Variants in CAMK2B observed in about 807,000 individuals in gnomAD.
The protein encoded by CAMK2B is calcium/calmodulin-dependent protein kinase type II subunit beta.
Under a neutral mutation model 93.7 loss-of-function variants are expected in CAMK2B, and 27 were observed. That is an observed-to-expected ratio of 0.29 (90% confidence interval 0.21 to 0.40). The LOEUF (loss-of-function observed/expected upper bound fraction) is 0.40. Among genes scored for constraint, CAMK2B ranks in the 10% least tolerant of loss-of-function variants. The pLI, the probability that CAMK2B is intolerant of heterozygous loss-of-function variation, is 1.00. For missense variants in CAMK2B, 568 were observed against 895.8 expected (o/e 0.63, Z 4.67); for synonymous variants, 374 against 358.8 (o/e 1.04, Z -0.48).
chr7:44,294,596 A>T (rs1458898516), intron 1 of CAMK2B, among the ~76,000 whole-genome samples: 1 of 152,172 alleles, frequency 6.6e-6, no homozygotes, highest in Non-Finnish European at 1.5e-5. Context: ...ATGAGTCAAC[A>T]GGCTACCTCC....
intron 1 of CAMK2B, among the ~76,000 whole-genome samples, chr7:44,300,012 G>GTC (rs1171295366): frequency 4.3e-5 from 5 of 117,584 alleles, no homozygotes; most frequent in African/African-American, 8.9e-5. Context: ...ATGTATATGT[G>GTC]TATGTGTCTG....
At chr7:44,237,455 G>A (rs1299484877) in intron 13 of CAMK2B, among the ~76,000 whole-genome samples, 6 of 152,238 alleles carry the variant, frequency 3.9e-5, no homozygotes, top group Admixed American at 1.3e-4. Context: ...TGCAGCAGAC[G>A]TCCCTGTTGT....
chr7:44,254,978 A>G (rs2096822296), intron 4 of CAMK2B, among the ~76,000 whole-genome samples: 1 of 151,900 alleles, frequency 6.6e-6, no homozygotes, highest in Non-Finnish European at 1.5e-5. Context: ...TGGGCAGCAC[A>G]GGAGCTTTGT....
intron 15 of CAMK2B, 150 bp from the exon 16 acceptor site, chr7:44,233,016 G>A (rs2096594054): frequency 1.4e-6 from 1 of 704,660 alleles, no homozygotes; most frequent in South Asian, 1.7e-5. Context: ...TGGGGGACAG[G>A]GATGGAGGCG....
At chr7:44,249,261 G>A (rs2128993751) in intron 5 of CAMK2B, among the ~76,000 whole-genome samples, 1 of 152,344 alleles carries the variant, frequency 6.6e-6, no homozygotes, top group African/African-American at 2.4e-5. Flanking sequence ...CTGGCTGGCT[G>A]GCTGGGGTGG....
At chr7:44,316,217 A>C (rs1282328386) in intron 1 of CAMK2B, among the ~76,000 whole-genome samples, 1 of 152,082 alleles carries the variant, frequency 6.6e-6, no homozygotes, top group Non-Finnish European at 1.5e-5. Context: ...TCATTTGTTG[A>C]GTTTTTATCA....
chr7:44,244,324 C>T (rs868138996), intron 6 of CAMK2B, among the ~76,000 whole-genome samples: 15 of 152,292 alleles, frequency 9.8e-5, no homozygotes, highest in African/African-American at 3.6e-4. Context: ...GGGCACTTGG[C>T]ACTGAGGGCC....
intron 1 of CAMK2B, among the ~76,000 whole-genome samples, chr7:44,289,569 T>C (rs1314026954): frequency 6.6e-6 from 1 of 152,170 alleles, no homozygotes; most frequent in Non-Finnish European, 1.5e-5. Flanking sequence ...ACGCAGACCT[T>C]GCTCAGGTGC....
intron 17 of CAMK2B, 84 bp from the exon 18 acceptor site, chr7:44,229,585 G>A (rs1583886383): frequency 1.8e-6 from 1 of 552,954 alleles, no homozygotes; most frequent in Non-Finnish European, 3.0e-6. Flanking sequence ...GGGGAGGCCA[G>A]GAGGGAGGGA....
At chr7:44,279,813 T>C (rs2097088096) in intron 2 of CAMK2B, among the ~76,000 whole-genome samples, 1 of 152,238 alleles carries the variant, frequency 6.6e-6, no homozygotes, top group Non-Finnish European at 1.5e-5. Context: ...TTAGAGGAGC[T>C]ATGTAATTCC....
chr7:44,292,453 A>G (rs1401808945), intron 1 of CAMK2B, among the ~76,000 whole-genome samples: 2 of 152,218 alleles, frequency 1.3e-5, no homozygotes, highest in African/African-American at 4.8e-5. Flanking sequence ...CACTGTGTGC[A>G]GCTGCAGCAG....
At chr7:44,289,781 G>A (rs1054785031) in intron 1 of CAMK2B, among the ~76,000 whole-genome samples, 1 of 152,254 alleles carries the variant, frequency 6.6e-6, no homozygotes, top group African/African-American at 2.4e-5. Flanking sequence ...TGATCCCCAT[G>A]ACAGGCTGCT....
chr7:44,227,756 TGGG>T (rs1398495440), intron 19 of CAMK2B, among the ~76,000 whole-genome samples: 1 of 5,488 alleles, frequency 1.8e-4, no homozygotes, highest in Non-Finnish European at 2.9e-4. Context: ...GAGGAGGGTG[TGGG>T]GGACAGAGGG....
intron 1 of CAMK2B, among the ~76,000 whole-genome samples, chr7:44,322,774 G>A (rs1479896105): frequency 6.6e-6 from 1 of 152,244 alleles, no homozygotes; most frequent in African/African-American, 2.4e-5. Context: ...AAAAGGATGG[G>A]GCAAGGGAGG....
At chr7:44,316,707 T>A (rs1171231379) in intron 1 of CAMK2B, among the ~76,000 whole-genome samples, 1 of 152,236 alleles carries the variant, frequency 6.6e-6, no homozygotes. Context: ...ATAGGTCTAT[T>A]CAGATTTTCT....
chr7:44,234,243 G>A (rs2128933131), intron 15 of CAMK2B, 147 bp downstream of exon 15: 1 of 673,300 alleles, frequency 1.5e-6, no homozygotes, highest in East Asian at 2.8e-5. Flanking sequence ...CCACCGGTGA[G>A]GGATGAGGGG....
intron 19 of CAMK2B, 133 bp from the exon 20 acceptor site, chr7:44,226,777 A>T: frequency 1.5e-5 from 1 of 67,936 alleles, no homozygotes. Context: ...ACAAGGGGAC[A>T]GAGGGGAGGA....
intron 1 of CAMK2B, among the ~76,000 whole-genome samples, chr7:44,316,226 C>A (rs767821691): frequency 5.9e-4 from 90 of 152,060 alleles, no homozygotes; most frequent in Non-Finnish European, 1.1e-3. Context: ...GAGTTTTTAT[C>A]ATGAAATGGT....
At position 44,325,356 on chromosome 7, in the gene CAMK2B, C is replaced by T; in HGVS notation, c.65+1G>A. 8.0e-7 allele frequency: 1 copy of T among 1,257,184 alleles called. No homozygotes were observed. Among genetic ancestry groups the T allele is most frequent in the Admixed American group, 2.6e-5 (1 of 38,312 alleles). 77.9% of individuals were successfully genotyped at this position (1,257,184 alleles called of 1,614,324 possible). A position where few individuals can be genotyped will look rare whatever the true frequency, so the allele number is the denominator to read the frequency against. ...CAGCCCGCGCGCGCCGCTGCTCTTACTTGCCAATATCCTCGTAGAGCTGGT... is the reference window on the plus strand; with the variant it reads ...CAGCCCGCGCGCGCCGCTGCTCTTATTTGCCAATATCCTCGTAGAGCTGGT... On this transcript the variant is annotated splice_donor_variant, in intron 1 of 23. Transcript: ENST00000395749. LOFTEE classifies it high-confidence loss of function.
Sources: gnomAD v4.1 joint callset for allele counts (sites outside exome capture counted in the v4.1 genomes callset) on GRCh38, gnomAD v4.1.1 for gene constraint, MANE v1.5 for transcripts, NCBI Gene and HGNC (gene_info 2026-07-23, HGNC 2026-07-21) for gene names.